Variants in SCFD2 observed in about 807,000 individuals in gnomAD.
The protein encoded by SCFD2 is sec1 family domain containing 2, also known as sec1 family domain-containing protein 2.
Under a neutral mutation model 58.9 loss-of-function variants are expected in SCFD2, and 54 were observed. The observed-to-expected ratio is 0.92, with a 90% CI of 0.74 to 1.15. SCFD2 has a LOEUF of 1.15. Ranked by LOEUF, SCFD2 falls within the 50% of genes most tolerant of loss-of-function variation. The pLI is 0.00. For synonymous variants in SCFD2, 321 were observed against 335.9 expected (o/e 0.96, Z 0.49); for missense variants, 805 against 836.6 (o/e 0.96, Z 0.47).
intron 5 of SCFD2, among the ~76,000 whole-genome samples, chr4:53,001,189 A>G (rs1282336373): frequency 6.6e-6 from 1 of 152,170 alleles, no homozygotes; most frequent in East Asian, 1.9e-4. Context: ...TTGGGGAGGG[A>G]GCATACAGTG....
At chr4:53,308,040 G>A (rs544485069) in intron 3 of SCFD2, among the ~76,000 whole-genome samples, 1 of 152,168 alleles carries the variant, frequency 6.6e-6, no homozygotes, top group Non-Finnish European at 1.5e-5. Context: ...CCAGCATCAC[G>A]AAGTGGGAGT....
chr4:52,924,707 C>T (rs74890835), intron 5 of SCFD2, among the ~76,000 whole-genome samples: 4,802 of 152,198 alleles, frequency 0.032, 84 homozygotes, highest in Middle Eastern at 0.061. Context: ...TTTTCCCAAA[C>T]CCTATAATGA....
At chr4:52,894,719 T>C (rs976326951) in intron 7 of SCFD2, among the ~76,000 whole-genome samples, 2 of 152,218 alleles carry the variant, frequency 1.3e-5, no homozygotes, top group Non-Finnish European at 2.9e-5. Flanking sequence ...TTTGTGTGGC[T>C]AACCGCAAGT....
At chr4:52,939,560 T>C (rs1408533218) in intron 5 of SCFD2, among the ~76,000 whole-genome samples, 1 of 152,138 alleles carries the variant, frequency 6.6e-6, no homozygotes, top group Non-Finnish European at 1.5e-5. Context: ...GTGTCAGGCA[T>C]TGTGCTACGA....
intron 2 of SCFD2, among the ~76,000 whole-genome samples, chr4:53,329,685 C>T (rs1055712343): frequency 3.9e-5 from 6 of 152,174 alleles, no homozygotes; most frequent in African/African-American, 1.4e-4. Flanking sequence ...AAACGCAGAG[C>T]ACCTCTCCTC....
intron 5 of SCFD2, among the ~76,000 whole-genome samples, chr4:53,025,366 T>C (rs1177425236): frequency 2.0e-5 from 3 of 152,206 alleles, no homozygotes; most frequent in African/African-American, 4.8e-5. Flanking sequence ...TATGAGAACA[T>C]CTTTTAGTTT....
chr4:53,247,564 A>C (rs991867840), intron 4 of SCFD2, among the ~76,000 whole-genome samples: 6 of 152,186 alleles, frequency 3.9e-5, no homozygotes, highest in African/African-American at 1.4e-4. Flanking sequence ...CAGCCATAAA[A>C]AATAACAAGA....
chr4:53,140,546 A>G (rs1380759178), intron 5 of SCFD2, among the ~76,000 whole-genome samples: 7 of 151,870 alleles, frequency 4.6e-5, no homozygotes, highest in Non-Finnish European at 8.8e-5. Flanking sequence ...TTTCTTTATA[A>G]CAATGCAGAA....
chr4:53,204,118 A>C (rs1728335085), intron 4 of SCFD2, among the ~76,000 whole-genome samples: 1 of 152,070 alleles, frequency 6.6e-6, no homozygotes, highest in Non-Finnish European at 1.5e-5. Context: ...TGGCTCTCCA[A>C]CAAACCTCAT....
intron 5 of SCFD2, among the ~76,000 whole-genome samples, chr4:53,038,548 T>TTAATTAAAACAGG (rs1722819598): frequency 6.6e-6 from 1 of 152,212 alleles, no homozygotes; most frequent in Non-Finnish European, 1.5e-5. Context: ...ATGGAGAGTT[T>TTAATTAAAACAGG]CATGAACAAA....
intron 2 of SCFD2, among the ~76,000 whole-genome samples, chr4:53,318,286 T>C (rs1404967918): frequency 6.6e-6 from 1 of 152,222 alleles, no homozygotes; most frequent in Non-Finnish European, 1.5e-5. Context: ...TCAGCTTATC[T>C]CTTCAATTTA....
At chr4:52,901,964 G>A (rs896862838) in intron 7 of SCFD2, among the ~76,000 whole-genome samples, 1 of 152,180 alleles carries the variant, frequency 6.6e-6, no homozygotes, top group Non-Finnish European at 1.5e-5. Context: ...ACATAAATAA[G>A]ATTGAGTTCT....
Position 52,921,384 on chromosome 4 carries a change from G to A in SCFD2, c.1562-514C>T, listed in dbSNP as rs1039970459. Among the ~76,000 whole-genome samples, 3 of 152,166 alleles carry A rather than the reference G, an allele frequency of 2.0e-5. No individual in the cohort carries two copies. The East Asian group carries it at 5.8e-4, about 29-fold the overall frequency. On this transcript the variant is annotated intron_variant, in intron 5 of 8. Transcript: ENST00000401642. ...TGCCATTCAAAGCTGATCAAACACA[G>A]GGGGACTTAACAAGAAGACGGTTTT...
At chr4:52,970,226 T>C (rs1210928717) in intron 5 of SCFD2, among the ~76,000 whole-genome samples, 1 of 152,216 alleles carries the variant, frequency 6.6e-6, no homozygotes, top group East Asian at 1.9e-4. Flanking sequence ...AGGCATCGCC[T>C]CACCCGGTAA....
chr4:53,191,361 A>C (rs1327912881), intron 4 of SCFD2, among the ~76,000 whole-genome samples: 1 of 152,030 alleles, frequency 6.6e-6, no homozygotes, highest in Non-Finnish European at 1.5e-5. Context: ...ATTCATTAGC[A>C]AAAAAATCAA....
intron 2 of SCFD2, among the ~76,000 whole-genome samples, chr4:53,325,115 T>C (rs1733146275): frequency 6.6e-6 from 1 of 152,046 alleles, no homozygotes; most frequent in Non-Finnish European, 1.5e-5. Context: ...ACTTCCCTCT[T>C]ACTTTTGTTT....
intron 3 of SCFD2, among the ~76,000 whole-genome samples, chr4:53,276,221 G>A (rs1187916875): frequency 6.6e-6 from 1 of 151,874 alleles, no homozygotes; most frequent in Admixed American, 6.6e-5. Flanking sequence ...CAACAAAATT[G>A]AACAATGTAA....
chr4:53,182,752 C>T (rs1185204346), intron 4 of SCFD2, among the ~76,000 whole-genome samples: 1 of 151,946 alleles, frequency 6.6e-6, no homozygotes, highest in African/African-American at 2.4e-5. Flanking sequence ...GCAACCTACT[C>T]ATCTGACAAA....
intron 5 of SCFD2, among the ~76,000 whole-genome samples, chr4:53,091,084 T>C (rs1724455516): frequency 6.6e-6 from 1 of 152,272 alleles, no homozygotes; most frequent in South Asian, 2.1e-4. Flanking sequence ...ATTATGCAAA[T>C]GGGTGTTATA....
Sources: gnomAD v4.1 joint callset for allele counts (sites outside exome capture counted in the v4.1 genomes callset) on GRCh38, gnomAD v4.1.1 for gene constraint, MANE v1.5 for transcripts, NCBI Gene and HGNC (gene_info 2026-07-23, HGNC 2026-07-21) for gene names.